Variants in MINAR2 observed in about 807,000 individuals in gnomAD.
The protein encoded by MINAR2 is major intrinsically disordered NOTCH2-binding receptor 1-like.
MINAR2 carries 21 observed loss-of-function variants against 16.1 expected under a neutral mutation model. The ratio of observed to expected loss-of-function variants is 1.31; its 90% CI spans 0.93 to 1.88. MINAR2 has a LOEUF of 1.88. Ranked by LOEUF, MINAR2 falls within the 40% of genes most tolerant of loss-of-function variation. MINAR2 has a pLI of 0.00. For synonymous variants in MINAR2, 86 were observed against 83.0 expected, an observed-to-expected ratio of 1.04 and a Z score of -0.20; for missense variants, 259 against 229.8, an observed-to-expected ratio of 1.13 and a Z score of -0.82.
At chr5:129,751,343 G>A (rs1198093703) in intron 1 of MINAR2, among the ~76,000 whole-genome samples, 1 of 151,906 alleles carries the variant, frequency 6.6e-6, no homozygotes, top group Non-Finnish European at 1.5e-5. Flanking sequence ...TGAGTATCTG[G>A]GATTACAGGC....
intron 2 of MINAR2, 112 bp downstream of exon 2, chr5:129,760,717 T>A: frequency 2.6e-6 from 2 of 779,094 alleles, no homozygotes; most frequent in Non-Finnish European, 4.0e-6. Context: ...GCAGAATCTC[T>A]AGATTTCAGA....
intron 1 of MINAR2, among the ~76,000 whole-genome samples, chr5:129,758,593 T>C (rs1014530649): frequency 6.6e-6 from 1 of 151,984 alleles, no homozygotes; most frequent in Non-Finnish European, 1.5e-5. Context: ...GTACTTTTTT[T>C]CTTGATCTCC....
chr5:129,751,510 A>G (rs1286077547), intron 1 of MINAR2, among the ~76,000 whole-genome samples: 3 of 152,164 alleles, frequency 2.0e-5, no homozygotes, highest in Non-Finnish European at 2.9e-5. Context: ...CCTGGCCTCA[A>G]TCTAGGAAAA....
At chr5:129,764,020 A>G (rs1455627309) in intron 2 of MINAR2, among the ~76,000 whole-genome samples, 4 of 152,230 alleles carry the variant, frequency 2.6e-5, no homozygotes, top group Non-Finnish European at 5.9e-5. Context: ...TTCATTGTAA[A>G]TTTGTTGTAT....
At chr5:129,748,493 T>C in intron 1 of MINAR2, 138 bp downstream of exon 1, 1 of 807,744 alleles carries the variant, frequency 1.2e-6, no homozygotes, top group Non-Finnish European at 1.8e-6. Context: ...TTAGTCTTTC[T>C]CTCTTCCTTA....
intron 1 of MINAR2, among the ~76,000 whole-genome samples, chr5:129,756,080 G>A (rs1159282242): frequency 6.6e-6 from 1 of 151,872 alleles, no homozygotes; most frequent in East Asian, 1.9e-4. Context: ...ATTTTTAAAT[G>A]TCAGCAGAAT....
At chr5:129,763,387 T>C (rs775185629) in intron 2 of MINAR2, among the ~76,000 whole-genome samples, 1 of 152,224 alleles carries the variant, frequency 6.6e-6, no homozygotes, top group Non-Finnish European at 1.5e-5. Context: ...TCTGAAACCT[T>C]GACACCACTT....
At chr5:129,755,275 G>A (rs1758040918) in intron 1 of MINAR2, among the ~76,000 whole-genome samples, 1 of 152,000 alleles carries the variant, frequency 6.6e-6, no homozygotes. Flanking sequence ...TTACATTTAT[G>A]TGTATAAGAG....
At chr5:129,748,835 A>G (rs1361703148) in intron 1 of MINAR2, among the ~76,000 whole-genome samples, 1 of 152,160 alleles carries the variant, frequency 6.6e-6, no homozygotes, top group Non-Finnish European at 1.5e-5. Flanking sequence ...GAAGACTTAG[A>G]AAACAGAACA....
intron 1 of MINAR2, among the ~76,000 whole-genome samples, chr5:129,759,021 A>G (rs1289553453): frequency 2.0e-5 from 3 of 152,050 alleles, no homozygotes; most frequent in Non-Finnish European, 2.9e-5. Context: ...AGGGAAATCC[A>G]ACACCGAAGA....
chr5:129,756,748 A>G (rs921247325), intron 1 of MINAR2, among the ~76,000 whole-genome samples: 1 of 151,962 alleles, frequency 6.6e-6, no homozygotes, highest in African/African-American at 2.4e-5. Flanking sequence ...TATTAGATGC[A>G]TACAAGTTTA....
Position 129,748,194 on chromosome 5 carries a change from G to A in MINAR2, c.4G>A (p.Asp2Asn). The A allele has an allele frequency of 1.3e-6, 2 of 1,534,902 alleles. No individual in the cohort carries two copies. Among genetic ancestry groups the A allele is most frequent in the Non-Finnish European group, 1.7e-6 (2 of 1,146,376 alleles). The stretch of plus-strand genomic sequence containing the variant: ...TCCACTGTAGGTGAAGGGAGACATG[G>A]ATCTCTCTGTTTTGCCAAATAACAA... M[D>N]LSVLPNNNHP... The change falls in exon 1 of 3, where the codon GAT becomes AAT. Residue 2 changes from aspartate (D) to asparagine (N), a missense_variant. Physicochemically the swap from Asp to Asn is conservative, Grantham distance 23. Transcript: ENST00000564719.
chr5:129,750,439 G>A (rs1057103208), intron 1 of MINAR2, among the ~76,000 whole-genome samples: 1 of 152,108 alleles, frequency 6.6e-6, no homozygotes, highest in Non-Finnish European at 1.5e-5. Flanking sequence ...GGAAGAACAT[G>A]GAATAAAGAA....
chr5:129,753,781 CAGAG>C (rs1029339933), intron 1 of MINAR2, among the ~76,000 whole-genome samples: 5 of 140,788 alleles, frequency 3.6e-5, no homozygotes, highest in African/African-American at 7.9e-5. Flanking sequence ...GTGAGAGCGT[CAGAG>C]AGAGAGAGAG....
intron 1 of MINAR2, among the ~76,000 whole-genome samples, chr5:129,755,890 T>C (rs1222888174): frequency 6.6e-6 from 1 of 152,116 alleles, no homozygotes; most frequent in Non-Finnish European, 1.5e-5. Flanking sequence ...TTTAAGACTT[T>C]GAATTCAATG....
rs1220859004 is a variant in MINAR2 at position 129,766,240 on chromosome 5, G to A, written c.*1177G>A. 1 of 152,140 alleles carries A rather than the reference G, an allele frequency of 6.6e-6. No individual in the cohort carries two copies. The highest frequency in any genetic ancestry group is 2.4e-5 in the African/African-American group (1 of 41,432). 9.4% of individuals were successfully genotyped at this position (152,140 alleles called of 1,614,324 possible). A position where few individuals can be genotyped will look rare whatever the true frequency, so the allele number is the denominator to read the frequency against. ...TATCTTATGCAAGAAACAAAAGAGG[G>A]ACTTTCTCTTCTTCTCATGAGCCTA... On this transcript the variant is annotated 3_prime_UTR_variant, in exon 3 of 3. Coordinates refer to ENST00000564719, the MANE Select transcript of MINAR2 (RefSeq NM_001257308.2).
At chr5:129,756,179 T>C (rs1380338129) in intron 1 of MINAR2, among the ~76,000 whole-genome samples, 1 of 152,138 alleles carries the variant, frequency 6.6e-6, no homozygotes, top group Non-Finnish European at 1.5e-5. Context: ...TTTTGAGTCT[T>C]TGAAATTTGT....
At chr5:129,764,795 C>A in intron 2 of MINAR2, 89 bp from the exon 3 acceptor site, 1 of 663,984 alleles carries the variant, frequency 1.5e-6, no homozygotes, top group Non-Finnish European at 2.2e-6. Context: ...CATCAGTCCC[C>A]ATGACAGTGT....
At chr5:129,755,518 T>C (rs1274138072) in intron 1 of MINAR2, among the ~76,000 whole-genome samples, 5 of 71,702 alleles carry the variant, frequency 7.0e-5, no homozygotes, top group Non-Finnish European at 1.6e-4. Context: ...TTATCACAGG[T>C]TTGTTAATTT....
Sources: allele counts gnomAD v4.1 joint callset (sites outside exome capture counted in the v4.1 genomes callset), GRCh38; gene constraint gnomAD v4.1.1; transcripts MANE v1.5; gene names NCBI Gene and HGNC (gene_info 2026-07-23, HGNC 2026-07-21).